Variants in ADGRA3 observed in about 807,000 individuals in gnomAD.
ADGRA3 encodes adhesion G protein-coupled receptor A3, also known as G-protein coupled receptor 125.
Under a neutral mutation model 119.8 loss-of-function variants are expected in ADGRA3, and 56 were observed. That is an observed-to-expected ratio of 0.47 (90% CI 0.38 to 0.58). The LOEUF (loss-of-function observed/expected upper bound fraction) is 0.58, where lower values mean the gene tolerates loss of function less well. Among genes scored for constraint, ADGRA3 ranks in the 20% least tolerant of loss-of-function variants. The pLI is 0.00. For missense variants in ADGRA3, 1,516 were observed against 1,649.0 expected (o/e 0.92, Z 1.40); for synonymous variants, 607 against 623.8 (o/e 0.97, Z 0.40).
chr4:22,413,800 C>CTGG lies in ADGRA3; in HGVS notation c.1823_1824insCCA (p.Glu608delinsAspGln), dbSNP rs753356992. On this transcript the variant is annotated protein_altering_variant, in exon 13 of 19. Transcript: ENST00000334304. ...GGGAAGGAGGAAGCTGAATAGAAGC[C>CTGG]TCCACAATAGTATTCTGAAAAAATA... 2 of 1,611,356 alleles carry CTGG rather than the reference C, an allele frequency of 1.2e-6. No homozygotes were observed. Among genetic ancestry groups the CTGG allele is most frequent in the Admixed American group, 3.4e-5 (2 of 59,612 alleles).
At chr4:22,389,501 C>CT (rs529490358) in intron 17 of ADGRA3, among the ~76,000 whole-genome samples, 14,997 of 143,554 alleles carry the variant, frequency 0.1, 768 homozygotes, top group Middle Eastern at 0.19. Context: ...CTTACTCTTA[C>CT]TTTTTTTTTT....
intron 9 of ADGRA3, 74 bp downstream of exon 9, chr4:22,436,366 A>C: frequency 2.5e-6 from 3 of 1,223,322 alleles, no homozygotes; most frequent in South Asian, 1.4e-5. Flanking sequence ...AAAAAAAAAA[A>C]AAAAACTTAT....
chr4:22,402,060 G>A (rs1222148960), intron 15 of ADGRA3, among the ~76,000 whole-genome samples: 2 of 152,116 alleles, frequency 1.3e-5, no homozygotes, highest in Admixed American at 6.6e-5. Flanking sequence ...TTAACTAAAT[G>A]TCAAGAAATG....
intron 6 of ADGRA3, 73 bp downstream of exon 6, chr4:22,444,900 C>A (rs1716770840): frequency 3.4e-6 from 5 of 1,455,734 alleles, no homozygotes; most frequent in East Asian, 2.3e-5. Context: ...GAGAATCTTA[C>A]AATTTGTCAA....
At chr4:22,389,799 A>C (rs1714033481) in intron 17 of ADGRA3, among the ~76,000 whole-genome samples, 1 of 152,054 alleles carries the variant, frequency 6.6e-6, no homozygotes, top group South Asian at 2.1e-4. Context: ...AACTGATTGA[A>C]ACAGAGCAGT....
intron 14 of ADGRA3, 90 bp downstream of exon 14, chr4:22,413,092 C>CAA: frequency 4.4e-6 from 4 of 915,140 alleles, no homozygotes; most frequent in Admixed American, 4.9e-5. Context: ...AAAAAAAAAA[C>CAA]AAAAAACAAA....
At chr4:22,494,394 G>A (rs1218960133) in intron 1 of ADGRA3, among the ~76,000 whole-genome samples, 4 of 151,838 alleles carry the variant, frequency 2.6e-5, no homozygotes, top group Non-Finnish European at 5.9e-5. Context: ...TGGGCAACCA[G>A]CAGCCCTTGG....
At position 22,401,431 on chromosome 4, in the gene ADGRA3, T is replaced by C. The variant is rs2109006683; in HGVS notation, c.2481A>G (p.Ala827=). 3 of 1,600,528 alleles carry C rather than the reference T, an allele frequency of 1.9e-6. No homozygotes were observed. The highest frequency in any genetic ancestry group is 2.6e-6 in the Non-Finnish European group (3 of 1,172,944). ...ATTTCGGTTTTTCACTCTGACTTACTGCTTGGCAGATGCTGGCATTCCTAG... is the reference window on the plus strand; with the variant it reads ...ATTTCGGTTTTTCACTCTGACTTACCGCTTGGCAGATGCTGGCATTCCTAG... The part of the protein sequence containing the change: ...TQTRNASICQ[A]VGIILHYSTL... Residue 827 remains alanine (A), a splice_region_variant and synonymous_variant, in exon 16 of 19, where the codon GCA becomes GCG. Coordinates refer to ENST00000334304, the MANE Select transcript of ADGRA3 (RefSeq NM_145290.4).
chr4:22,476,370 C>A (rs1207203543), intron 1 of ADGRA3, among the ~76,000 whole-genome samples: 1 of 152,012 alleles, frequency 6.6e-6, no homozygotes, highest in Non-Finnish European at 1.5e-5. Context: ...GTAAAACAGA[C>A]AAAAATCGGA....
intron 1 of ADGRA3, among the ~76,000 whole-genome samples, chr4:22,484,166 T>G (rs895751206): frequency 2.6e-5 from 4 of 152,062 alleles, no homozygotes; most frequent in African/African-American, 9.7e-5. Context: ...ATATTTTCCA[T>G]GCATATATAA....
intron 1 of ADGRA3, among the ~76,000 whole-genome samples, chr4:22,503,846 A>G (rs977396598): frequency 1.3e-5 from 2 of 152,182 alleles, no homozygotes; most frequent in African/African-American, 2.4e-5. Flanking sequence ...GAGCTTAGAC[A>G]ACTTAAGGGA....
In ADGRA3 at chr4:22,413,699, C is replaced by A. The variant is rs750505698; in HGVS notation, c.1925G>T (p.Arg642Leu). 2.5e-6 allele frequency: 4 copies of A among 1,613,726 alleles called. No homozygotes were observed. Among genetic ancestry groups the A allele is most frequent in the East Asian group, 2.2e-5 (1 of 44,840 alleles). Residue 642 changes from arginine (R) to leucine (L), a missense_variant, in exon 13 of 19, where the codon CGC (arginine) becomes CTC (leucine). Physicochemically the swap from Arg to Leu is moderately radical, Grantham distance 102. This residue lies in a region of ADGRA3 where 1,088 missense variants were observed against 1,107.1 expected (regional missense o/e 0.98). Transcript: ENST00000334304. Reference sequence around the variant, plus strand: ...AGTGGCTGGAAAAAGCTTTCCATTGCGGAATGCAATGAGTTGAAGCTTGTA... The same window carrying A: ...AGTGGCTGGAAAAAGCTTTCCATTGAGGAATGCAATGAGTTGAAGCTTGTA... ...SLYKLQLIAFRNGKLFPATGN... is the reference protein window; with the variant it reads ...SLYKLQLIAFLNGKLFPATGN...
intron 12 of ADGRA3, among the ~76,000 whole-genome samples, chr4:22,416,285 A>G (rs61791987): frequency 0.011 from 1,614 of 152,326 alleles, 15 homozygotes; most frequent in East Asian, 0.058. Context: ...ATGGAAACAG[A>G]TAACAAACAC....
Position 22,387,860 on chromosome 4 carries a change from C to T in ADGRA3, c.3811G>A (p.Val1271Met). Residue 1271 changes from valine to methionine, a missense_variant, in exon 19 of 19, where the codon GTG becomes ATG. Physicochemically the swap from Val to Met is conservative, Grantham distance 21. Transcript: ENST00000334304. ...SKKDALRKPA[V>M]VELENQQKSY... ...TTTTGCTGATTTTCAAGTTCAACCA[C>T]AGCTGGCTTCCTTAACGCATCTTTT... 6.2e-7 allele frequency: 1 copy of T among 1,614,160 alleles called. No individual in the cohort carries two copies. The highest frequency in any genetic ancestry group is 8.5e-7 in the Non-Finnish European group (1 of 1,180,012).
At chr4:22,494,679 T>A (rs964925757) in intron 1 of ADGRA3, among the ~76,000 whole-genome samples, 2 of 151,988 alleles carry the variant, frequency 1.3e-5, no homozygotes, top group African/African-American at 4.9e-5. Context: ...TACATTTTTT[T>A]AGTTCTTTTT....
intron 2 of ADGRA3, among the ~76,000 whole-genome samples, chr4:22,470,320 TA>T (rs35417919): frequency 0.013 from 1,890 of 141,240 alleles, 26 homozygotes; most frequent in African/African-American, 0.043. Flanking sequence ...GCTCCTAAAT[TA>T]AAAAAAAAAA....
chr4:22,466,675 C>T (rs1276802501), intron 2 of ADGRA3, among the ~76,000 whole-genome samples: 1 of 152,066 alleles, frequency 6.6e-6, no homozygotes, highest in East Asian at 1.9e-4. Context: ...GATCACACCA[C>T]CGCACTCCAG....
rs915566167 is a variant in ADGRA3 at position 22,428,113 on chromosome 4, A to T, written c.1444-3761T>A. 5.9e-5 allele frequency among the ~76,000 whole-genome samples: 9 copies of T among 152,196 alleles called. No homozygotes were observed. The East Asian group carries it at 1.7e-3, about 29-fold the overall frequency. On this transcript the variant is annotated intron_variant, in intron 10 of 18. Transcript: ENST00000334304. ...ATACATTTCTGATGTTATCATATTA[A>T]TATACAAGATAATACGTAAACTAAA...
At chr4:22,410,981 T>C (rs1715176069) in intron 14 of ADGRA3, among the ~76,000 whole-genome samples, 1 of 152,218 alleles carries the variant, frequency 6.6e-6, no homozygotes, top group South Asian at 2.1e-4. Context: ...GAATAGCTTA[T>C]TCCTTCCAGA....
Sources: gnomAD v4.1 joint callset for allele counts (sites outside exome capture counted in the v4.1 genomes callset) on GRCh38, gnomAD v4.1.1 for gene constraint, gnomAD v4.1.1 regional missense constraint, MANE v1.5 for transcripts, NCBI Gene and HGNC (gene_info 2026-07-23, HGNC 2026-07-21) for gene names.